Variants in OVCH1 observed in about 807,000 individuals in gnomAD.
The protein encoded by OVCH1 is ovochymase 1, also known as ovochymase-1.
OVCH1 carries 139 observed loss-of-function variants against 138.4 expected under a neutral mutation model. The ratio of observed to expected loss-of-function variants is 1.00; its 90% confidence interval spans 0.87 to 1.16. The LOEUF is 1.16. Ranked by LOEUF, OVCH1 falls within the 50% of genes most tolerant of loss-of-function variation. The pLI is 0.00. For missense variants in OVCH1, 1,367 were observed against 1,357.9 expected, an observed-to-expected ratio of 1.01 and a Z score of -0.11; for synonymous variants, 453 against 467.8, an observed-to-expected ratio of 0.97 and a Z score of 0.41.
chr12:29,482,642 C>T (rs116074661), intron 8 of OVCH1, among the ~76,000 whole-genome samples: 21 of 152,316 alleles, frequency 1.4e-4, no homozygotes, highest in African/African-American at 4.6e-4. Flanking sequence ...AAATTTTCAA[C>T]AGTCACTTAA....
chr12:29,427,262 C>A (rs1210049337), downstream of OVCH1, among the ~76,000 whole-genome samples: 1 of 152,076 alleles, frequency 6.6e-6, no homozygotes, highest in Non-Finnish European at 1.5e-5. Context: ...TTTTAAAAAT[C>A]AAATATTTTC....
At chr12:29,497,310 C>T (rs541234680) in intron 1 of OVCH1, among the ~76,000 whole-genome samples, 49 of 148,204 alleles carry the variant, frequency 3.3e-4, no homozygotes, top group African/African-American at 1.2e-3. Context: ...TATACTACTC[C>T]GGAAGGGAGA....
chr12:29,423,434 A>G, downstream of OVCH1: 1 of 376,906 alleles, frequency 2.7e-6, no homozygotes, highest in South Asian at 2.0e-5. Flanking sequence ...TACAAGATCA[A>G]GATTTGTAGG....
At chr12:29,471,442 C>G (rs1175043297) in intron 16 of OVCH1, among the ~76,000 whole-genome samples, 3 of 152,072 alleles carry the variant, frequency 2.0e-5, no homozygotes, top group Non-Finnish European at 4.4e-5. Flanking sequence ...AACAGTGGAA[C>G]TATGAGCACT....
Position 29,427,584 on chromosome 12 carries a change from A to G in OVCH1, c.3392T>C (p.Leu1131Pro), listed in dbSNP as rs1941199956. The G allele has an allele frequency of 1.9e-6, 3 of 1,551,376 alleles. No homozygotes were observed. The Admixed American group carries it at 5.9e-5, about 30-fold the overall frequency. ...AATGGGCTGTGCCTAAGAACCAGAAAGTGAGCCCTTAGCAGGCACCAAATC... is the reference window on the plus strand; with the variant it reads ...AATGGGCTGTGCCTAAGAACCAGAAGGTGAGCCCTTAGCAGGCACCAAATC... Residue 1131 changes from leucine to proline, a missense_variant, in exon 28 of 28, where the codon CTT becomes CCT. Leu to Pro is a moderately conservative substitution (Grantham distance 98, BLOSUM62 -3). Transcript: ENST00000318184.
At chr12:29,417,033 A>T (rs1394379274) in intron 3 of OVCH1, among the ~76,000 whole-genome samples, 3 of 152,238 alleles carry the variant, frequency 2.0e-5, no homozygotes, top group African/African-American at 7.2e-5. Flanking sequence ...CAACTTGGAT[A>T]AATCTCCAGG....
downstream of OVCH1, among the ~76,000 whole-genome samples, chr12:29,425,095 G>A (rs945706123): frequency 5.3e-5 from 8 of 152,192 alleles, no homozygotes; most frequent in Non-Finnish European, 1.2e-4. Context: ...TAAAGTGCCT[G>A]TGATGTCCCT....
chr12:29,411,399 T>G (rs1056270082), downstream of OVCH1, among the ~76,000 whole-genome samples: 3 of 151,474 alleles, frequency 2.0e-5, no homozygotes, highest in Admixed American at 6.6e-5. Flanking sequence ...GAGTTTCCAG[T>G]TTTTCTGCTC....
At chr12:29,429,069 C>T (rs899209889) in intron 27 of OVCH1, among the ~76,000 whole-genome samples, 1 of 152,200 alleles carries the variant, frequency 6.6e-6, no homozygotes, top group African/African-American at 2.4e-5. Context: ...CAGCACCACT[C>T]ATCGGTAAAG....
At chr12:29,465,349 A>G in intron 16 of OVCH1, 130 bp from the exon 17 acceptor site, 1 of 748,304 alleles carries the variant, frequency 1.3e-6, no homozygotes. Context: ...AGGTTTATGA[A>G]GAAGAGGTTT....
chr12:29,466,008 G>T (rs1592076450), intron 16 of OVCH1, among the ~76,000 whole-genome samples: 1 of 147,628 alleles, frequency 6.8e-6, no homozygotes, highest in African/African-American at 2.5e-5. Context: ...CAAAAAACCA[G>T]ACACCGCATG....
At chr12:29,472,430 C>T (rs1942545589) in intron 15 of OVCH1, among the ~76,000 whole-genome samples, 1 of 152,092 alleles carries the variant, frequency 6.6e-6, no homozygotes, top group African/African-American at 2.4e-5. Context: ...TGTATCAATC[C>T]TCAAACATAT....
At chr12:29,466,338 A>G (rs1942319532) in intron 16 of OVCH1, among the ~76,000 whole-genome samples, 1 of 140,872 alleles carries the variant, frequency 7.1e-6, no homozygotes, top group Non-Finnish European at 1.5e-5. Flanking sequence ...AATATCTTAA[A>G]TTTGTTTAAT....
At chr12:29,443,404 A>G in exon 25 of OVCH1, 3 of 1,612,214 alleles carry the variant, frequency 1.9e-6, no homozygotes, top group South Asian at 1.1e-5. Flanking sequence ...AAACACGCAG[A>G]TGACCATGAC....
At chr12:29,416,012 A>G (rs774518628) in intron 3 of OVCH1, among the ~76,000 whole-genome samples, 2 of 152,078 alleles carry the variant, frequency 1.3e-5, no homozygotes, top group Admixed American at 1.3e-4. Context: ...ATTTATGGCA[A>G]AGGCACAAAA....
chr12:29,482,641 A>G (rs1942970473), intron 8 of OVCH1, among the ~76,000 whole-genome samples: 1 of 152,212 alleles, frequency 6.6e-6, no homozygotes, highest in South Asian at 2.1e-4. Context: ...TAAATTTTCA[A>G]CAGTCACTTA....
At chr12:29,425,637 A>G (rs1941168404), downstream of OVCH1, among the ~76,000 whole-genome samples, 1 of 152,170 alleles carries the variant, frequency 6.6e-6, no homozygotes, top group Non-Finnish European at 1.5e-5. Flanking sequence ...CAGTTTTGTG[A>G]CTTGCTTGTC....
At chr12:29,431,109 A>T (rs1941259765) in intron 27 of OVCH1, among the ~76,000 whole-genome samples, 2 of 152,332 alleles carry the variant, frequency 1.3e-5, no homozygotes, top group East Asian at 3.9e-4. Flanking sequence ...TATGCTCATT[A>T]TAGAAAGTTT....
chr12:29,457,387 ATTTTTTTTTTTT>A (rs57856732), intron 19 of OVCH1, among the ~76,000 whole-genome samples: 2 of 68,870 alleles, frequency 2.9e-5, no homozygotes, highest in Non-Finnish European at 2.5e-5. Flanking sequence ...AAACAAATGA[ATTTTTTTTTTTT>A]TTTTTTTTTT....
Sources: allele counts gnomAD v4.1 joint callset (sites outside exome capture counted in the v4.1 genomes callset), GRCh38; gene constraint gnomAD v4.1.1; transcripts MANE v1.5; gene names NCBI Gene and HGNC (gene_info 2026-07-23, HGNC 2026-07-21).